ATXN2L: variants seen among roughly 807,000 people sequenced by gnomAD.
The protein encoded by ATXN2L is ataxin-2-like protein.
Under a neutral mutation model 120.7 loss-of-function variants are expected in ATXN2L, and 24 were observed. The observed-to-expected ratio is 0.20, with a 90% CI of 0.14 to 0.28. The LOEUF (loss-of-function observed/expected upper bound fraction) is 0.28. ATXN2L is among the 10% of genes least tolerant of loss of function. ATXN2L has a pLI of 1.00. For missense variants in ATXN2L, 1,312 were observed against 1,432.3 expected (o/e 0.92, Z 1.36); for synonymous variants, 653 against 568.1 (o/e 1.15, Z -2.13).
In ATXN2L at chr16:28,832,189, C is replaced by T. The variant is rs779273257; in HGVS notation, c.1322-16C>T. The T allele has an allele frequency of 3.1e-6, 5 of 1,613,938 alleles. No individual in the cohort carries two copies. Among genetic ancestry groups the T allele is most frequent in the Non-Finnish European group, 4.2e-6 (5 of 1,179,872 alleles). ...GACCAGCAGTAACCATCCTACAGCT[C>T]CCCCTTTTCTTCCAGTGGGCCGGAT... On this transcript the variant is annotated splice_polypyrimidine_tract_variant and intron_variant, in intron 10 of 21. Transcript: ENST00000336783.
At position 28,823,199 on chromosome 16, in the gene ATXN2L, C is replaced by A. The variant is rs533391270; in HGVS notation, c.-61C>A. On this transcript the variant is annotated 5_prime_UTR_variant, in exon 1 of 22. Coordinates refer to ENST00000336783, the MANE Select transcript of ATXN2L (RefSeq NM_007245.4). ...CGCTTCCCGCGCTCTCCAGCGGGGC[C>A]CCAGCCCCGGCCCCCTCTCTCCCTC... is the stretch of plus-strand genomic sequence containing the variant. The A allele has an allele frequency of 1.0e-5, 12 of 1,194,086 alleles. No homozygotes were observed. The African/African-American group carries it at 1.1e-4, about 11-fold the overall frequency. The allele number at this position is 1,194,086 out of a possible 1,614,324, so 74.0% of individuals were successfully genotyped here.
In ATXN2L at chr16:28,823,212, C is replaced by T. The variant is rs1055723879; in HGVS notation, c.-48C>T. ...CTCCAGCGGGGCCCCAGCCCCGGCC[C>T]CCTCTCTCCCTCCCTTCTCTCTAAT... On this transcript the variant is annotated 5_prime_UTR_variant, in exon 1 of 22. Transcript: ENST00000336783. 5 of 1,243,410 alleles carry T rather than the reference C, an allele frequency of 4.0e-6. No homozygotes were observed. Among genetic ancestry groups the T allele is most frequent in the African/African-American group, 3.2e-5 (2 of 63,230 alleles). The allele number at this position is 1,243,410 out of a possible 1,614,324, so 77.0% of individuals were successfully genotyped here.
intron 20 of ATXN2L, 61 bp from the exon 21 acceptor site, chr16:28,835,488 G>A (rs745593931): frequency 7.5e-6 from 12 of 1,610,296 alleles, no homozygotes; most frequent in Admixed American, 1.7e-5. Context: ...TCTGAGTGGC[G>A]AGGACTGGGG....
chr16:28,834,320 C>T (rs961261128), intron 16 of ATXN2L, 23 bp from the exon 17 acceptor site: 4 of 1,612,774 alleles, frequency 2.5e-6, no homozygotes, highest in Admixed American at 1.7e-5. Context: ...GTCATTCAGC[C>T]TCATCTGTGT....
Position 28,835,719 on chromosome 16 carries a change from G to T in ATXN2L, c.2856G>T (p.Gln952His). The stretch of plus-strand genomic sequence containing the variant: ...CTGTGTATGCCATCCACCACCAGCA[G>T]CTGCCCCACGGCTTCACCAACATGG... ...PAAVYAIHHQ[Q>H]LPHGFTNMAH... The change falls in exon 21 of 22, where the codon CAG becomes CAT. Residue 952 changes from glutamine (Q) to histidine (H), a missense_variant. Physicochemically the swap from Gln to His is conservative, Grantham distance 24 (BLOSUM62 0). Coordinates refer to ENST00000336783, the MANE Select transcript of ATXN2L (RefSeq NM_007245.4). 6.2e-7 allele frequency: 1 copy of T among 1,614,090 alleles called. No individual in the cohort carries two copies. Among genetic ancestry groups the T allele is most frequent in the Non-Finnish European group, 8.5e-7 (1 of 1,179,996 alleles).
In ATXN2L at chr16:28,832,400, G is replaced by C; in HGVS notation, c.1516+1G>C. 6.2e-7 allele frequency: 1 copy of C among 1,614,040 alleles called. No homozygotes were observed. The highest frequency in any genetic ancestry group is 8.5e-7 in the Non-Finnish European group (1 of 1,179,898). On this transcript the variant is annotated splice_donor_variant, in intron 11 of 21. Coordinates refer to ENST00000336783, the MANE Select transcript of ATXN2L (RefSeq NM_007245.4). LOFTEE classifies it high-confidence loss of function. Reference sequence around the variant, plus strand: ...AAGATCTCCCTGGCCCCCACAGATGGTAAGAGCTAGGTGTTTGAGTGCTGT... The same window carrying C: ...AAGATCTCCCTGGCCCCCACAGATGCTAAGAGCTAGGTGTTTGAGTGCTGT...
rs141599233 is a variant in ATXN2L at position 28,836,142 on chromosome 16, G to A, written c.3105G>A (p.Ala1035=). Residue 1035 remains alanine, a synonymous_variant, in exon 22 of 22, where the codon GCG becomes GCA. Coordinates refer to ENST00000336783, the MANE Select transcript of ATXN2L (RefSeq NM_007245.4). ...GHPQGEQPGQ[A]PGFPGGADDR... is the part of the protein sequence containing the mutation. The stretch of plus-strand genomic sequence containing the variant: ...CCCAAGGTGAGCAGCCTGGCCAGGC[G>A]CCTGGATTTCCAGGAGGAGCCGATG... 1.6e-4 allele frequency: 257 copies of A among 1,614,136 alleles called. 2 individuals carry two copies. Among genetic ancestry groups the A allele is most frequent in the Middle Eastern group, 3.3e-4 (2 of 6,060 alleles).
intron 8 of ATXN2L, 36 bp downstream of exon 8, chr16:28,830,094 T>TCTGGGAATATCCTGGGGCCTGGGCCCA: frequency 1.3e-6 from 2 of 1,576,094 alleles, no homozygotes; most frequent in Non-Finnish European, 1.7e-6. Flanking sequence ...ACTTGGGGCT[T>TCTGGGAATATCCTGGGGCCTGGGCCCA]CTGGGAATAT....
Position 28,831,135 on chromosome 16 carries a change from T to C in ATXN2L, c.1321+63T>C. ...AAATTTGTAAAGAGATGTAAATATG[T>C]CCATTTGTTACAGTGCTGGAATGGG... is the stretch of plus-strand genomic sequence containing the variant. On this transcript the variant is annotated intron_variant, in intron 10 of 21. Transcript: ENST00000336783. The C allele has an allele frequency of 4.3e-6, 5 of 1,155,712 alleles. No individual in the cohort carries two copies. The South Asian group carries it at 5.5e-5, about 13-fold the overall frequency. The allele number at this position is 1,155,712 out of a possible 1,614,324, so 71.6% of individuals were successfully genotyped here. A position where few individuals can be genotyped will look rare whatever the true frequency, so the allele number is the denominator to read the frequency against.
chr16:28,830,198 C>A, intron 8 of ATXN2L, 140 bp downstream of exon 8: 2 of 814,210 alleles, frequency 2.5e-6, no homozygotes, highest in Non-Finnish European at 3.5e-6. Context: ...TGAGGTAAAG[C>A]GAGATTATGT....
chr16:28,827,860 C>G (rs1372642137), intron 6 of ATXN2L, among the ~76,000 whole-genome samples: 1 of 152,240 alleles, frequency 6.6e-6, no homozygotes, highest in Non-Finnish European at 1.5e-5. Flanking sequence ...TATGACTCAA[C>G]TTGTGAATGG....
intron 9 of ATXN2L, 61 bp from the exon 10 acceptor site, chr16:28,830,901 T>C (rs2054132090): frequency 3.3e-6 from 5 of 1,496,372 alleles, no homozygotes; most frequent in African/African-American, 1.4e-5. Context: ...TCGGTGGGAA[T>C]GTAATAGGTC....
chr16:28,835,220 C>T (rs751271803), intron 19 of ATXN2L, 33 bp downstream of exon 19: 1 of 1,609,602 alleles, frequency 6.2e-7, no homozygotes, highest in South Asian at 1.1e-5. Context: ...CTGCTCTGGG[C>T]TGTGTGCCAG....
At chr16:28,824,103 G>A (rs1179909859) in intron 1 of ATXN2L, 9 of 1,016,348 alleles carry the variant, frequency 8.9e-6, no homozygotes, top group South Asian at 3.3e-5. Flanking sequence ...AGGGATGACT[G>A]GGAGGACTGC....
chr16:28,835,302 A>G lies in ATXN2L; in HGVS notation c.2588A>G (p.His863Arg). The change falls in exon 20 of 22, where the codon CAC becomes CGC. Residue 863 changes from histidine (H) to arginine (R), a missense_variant. By Grantham distance (29) the His-to-Arg change is conservative. Coordinates refer to ENST00000336783, the MANE Select transcript of ATXN2L (RefSeq NM_007245.4). ...LYATVHQSYP[H>R]HATQLHAHQP... ...GCCACTGTTCACCAGTCCTACCCAC[A>G]CCATGCCACACAGCTCCATGCCCAC... 6.2e-7 allele frequency: 1 copy of G among 1,613,324 alleles called. No homozygotes were observed. The highest frequency in any genetic ancestry group is 1.1e-5 in the South Asian group (1 of 91,060).
In ATXN2L at chr16:28,834,225, C is replaced by G; in HGVS notation, c.2172+14C>G. 1 of 1,612,146 alleles carries G rather than the reference C, an allele frequency of 6.2e-7. No individual in the cohort carries two copies. ...CCAGCTGTGCAGGTATGCAGAGAGA[C>G]TGGCCGGGCCCAGGGTTAGCGGGGT... is the stretch of plus-strand genomic sequence containing the variant. On this transcript the variant is annotated intron_variant, in intron 16 of 21. Transcript: ENST00000336783.
chr16:28,832,648 TTCAGAGGCAAACAATGTCTA>T (rs1338846965), intron 12 of ATXN2L, 81 bp downstream of exon 12: 8 of 1,498,658 alleles, frequency 5.3e-6, no homozygotes, highest in South Asian at 3.4e-5. Flanking sequence ...TTTGTTGGAA[TTCAGAGGCAAACAATGTCTA>T]TCAGTCCTTG....
chr16:28,834,540 G>A lies in ATXN2L; in HGVS notation c.2280G>A (p.Gln760=). 1 of 1,610,666 alleles carries A rather than the reference G, an allele frequency of 6.2e-7. No individual in the cohort carries two copies. The highest frequency in any genetic ancestry group is 1.3e-5 in the African/African-American group (1 of 75,038). ...SLPPQRSDQH[Q]PASAPPMMQA... is the part of the protein sequence containing the mutation. The stretch of plus-strand genomic sequence containing the variant: ...CTCCGCAGCGCTCGGACCAACACCA[G>A]CCAGCCTCAGCCCCGCCGATGATGC... Residue 760 remains glutamine, a synonymous_variant, in exon 18 of 22, where the codon CAG becomes CAA. Transcript: ENST00000336783.
In ATXN2L at chr16:28,835,729, G is replaced by C; in HGVS notation, c.2866G>C (p.Gly956Arg). The change falls in exon 21 of 22, where the codon GGC becomes CGC. Residue 956 changes from glycine to arginine, a missense_variant. By Grantham distance (125) the Gly-to-Arg change is moderately radical (BLOSUM62 -2). Coordinates refer to ENST00000336783, the MANE Select transcript of ATXN2L (RefSeq NM_007245.4). ...YAIHHQQLPH[G>R]FTNMAHVTQA... ...CATCCACCACCAGCAGCTGCCCCAC[G>C]GCTTCACCAACATGGCCCATGTTAC... is the stretch of plus-strand genomic sequence containing the variant. 6.2e-7 allele frequency: 1 copy of C among 1,614,060 alleles called. No individual in the cohort carries two copies. The highest frequency in any genetic ancestry group is 2.2e-5 in the East Asian group (1 of 44,876).
Sources: gnomAD v4.1 joint callset for allele counts (sites outside exome capture counted in the v4.1 genomes callset) on GRCh38, gnomAD v4.1.1 for gene constraint, MANE v1.5 for transcripts, NCBI Gene and HGNC (gene_info 2026-07-23, HGNC 2026-07-21) for gene names.